NSUN3: variants seen among roughly 807,000 people sequenced by gnomAD.
The protein encoded by NSUN3 is NOP2/Sun RNA methyltransferase 3.
NSUN3 carries 24 observed loss-of-function variants against 36.8 expected under a neutral mutation model. That is an observed-to-expected ratio of 0.65 (90% CI 0.47 to 0.92). NSUN3 has a LOEUF of 0.92. Among genes scored for constraint, NSUN3 ranks in the 40% least tolerant of loss-of-function variants. NSUN3 has a pLI of 0.00. For synonymous variants in NSUN3, 146 were observed against 145.2 expected (o/e 1.01, Z -0.04); for missense variants, 381 against 392.8 (o/e 0.97, Z 0.25).
intron 5 of NSUN3, among the ~76,000 whole-genome samples, chr3:94,114,904 G>T (rs979036577): frequency 4.0e-5 from 6 of 151,564 alleles, no homozygotes; most frequent in Admixed American, 2.6e-4. Flanking sequence ...TAGGATAATG[G>T]TTTCCAGCTG....
intron 2 of NSUN3, 102 bp from the exon 3 acceptor site, chr3:94,084,005 T>C: frequency 1.2e-6 from 1 of 816,376 alleles, no homozygotes; most frequent in Admixed American, 2.6e-5. Context: ...CACAGGTAAG[T>C]GAAGTGTAAA....
Position 94,107,952 on chromosome 3 carries a change from T to C in NSUN3, c.743+12798T>C, listed in dbSNP as rs531908296. On this transcript the variant is annotated intron_variant, in intron 5 of 5. Coordinates refer to ENST00000314622, the MANE Select transcript of NSUN3 (RefSeq NM_022072.5). ...CATTCTCATTTTTATAAATTACTTG[T>C]TAGCAAAAGCTTTTTTTTTTCCTTT... Among the ~76,000 whole-genome samples, 33 of 148,650 alleles carry C rather than the reference T, an allele frequency of 2.2e-4. 1 individual carries two copies. The highest frequency in any genetic ancestry group is 8.1e-4 in the African/African-American group (33 of 40,824).
At chr3:94,069,218 A>C (rs2107235029) in intron 2 of NSUN3, among the ~76,000 whole-genome samples, 1 of 152,376 alleles carries the variant, frequency 6.6e-6, no homozygotes, top group East Asian at 1.9e-4. Flanking sequence ...TCTGAGGTAC[A>C]GTGAATAACA....
At chr3:94,080,751 CCTCCACCAAG>C (rs1484629532) in intron 2 of NSUN3, among the ~76,000 whole-genome samples, 5 of 152,304 alleles carry the variant, frequency 3.3e-5, no homozygotes, top group African/African-American at 1.2e-4. Flanking sequence ...GACGCCCCTC[CCTCCACCAAG>C]CTCCAGCATC....
At chr3:94,117,161 G>T (rs2077443728) in intron 5 of NSUN3, among the ~76,000 whole-genome samples, 1 of 151,722 alleles carries the variant, frequency 6.6e-6, no homozygotes, top group Admixed American at 6.6e-5. Context: ...ACCACACTCG[G>T]CTAATTTCTC....
intron 5 of NSUN3, among the ~76,000 whole-genome samples, chr3:94,109,975 A>G (rs192426742): frequency 6.6e-6 from 1 of 152,300 alleles, no homozygotes; most frequent in African/African-American, 2.4e-5. Context: ...AAACTTAAAA[A>G]GGTAATGAAA....
chr3:94,098,758 C>T (rs927631066), intron 5 of NSUN3, among the ~76,000 whole-genome samples: 3 of 152,122 alleles, frequency 2.0e-5, no homozygotes, highest in African/African-American at 7.2e-5. Context: ...TTTACACTTC[C>T]CTTTCTCCTG....
rs1301798601 is a variant in NSUN3, at chr3:94,130,413, T to C, written c.*3923T>C. On this transcript the variant is annotated 3_prime_UTR_variant, in exon 6 of 6. Transcript: ENST00000314622. ...AATGAAATCTTGCATAATGTCTGCA[T>C]TTTTCCATTGATTGGAGTGCATCCT... Among the ~76,000 whole-genome samples the C allele has an allele frequency of 1.3e-5, 2 of 152,202 alleles. No homozygotes were observed. Among genetic ancestry groups the C allele is most frequent in the Non-Finnish European group, 2.9e-5 (2 of 68,034 alleles).
intron 2 of NSUN3, among the ~76,000 whole-genome samples, chr3:94,069,348 C>G (rs572671234): frequency 6.6e-6 from 1 of 152,304 alleles, no homozygotes; most frequent in African/African-American, 2.4e-5. Context: ...GACTCAAAAA[C>G]ATACTTTGGT....
At chr3:94,083,783 G>C (rs1358714199) in intron 2 of NSUN3, among the ~76,000 whole-genome samples, 1 of 152,150 alleles carries the variant, frequency 6.6e-6, no homozygotes, top group East Asian at 1.9e-4. Context: ...AAGTCAGTAT[G>C]AAATGGCCTT....
At chr3:94,098,878 A>G (rs1045969305) in intron 5 of NSUN3, among the ~76,000 whole-genome samples, 3 of 152,114 alleles carry the variant, frequency 2.0e-5, no homozygotes, top group Non-Finnish European at 4.4e-5. Context: ...ACCTTCACTT[A>G]AAGATACATT....
chr3:94,111,941 C>CGA, intron 5 of NSUN3, among the ~76,000 whole-genome samples: 257 of 150,584 alleles, frequency 1.7e-3, no homozygotes, highest in Middle Eastern at 6.8e-3. Context: ...GTCTTTCTAT[C>CGA]GAGAGAGAGA....
chr3:94,079,873 A>G (rs1026113970), intron 2 of NSUN3, among the ~76,000 whole-genome samples: 1 of 152,046 alleles, frequency 6.6e-6, no homozygotes, highest in African/African-American at 2.4e-5. Context: ...GGGTTAGAAT[A>G]TGCTCCTTTA....
chr3:94,108,925 A>T (rs2107265927), intron 5 of NSUN3, among the ~76,000 whole-genome samples: 1 of 152,360 alleles, frequency 6.6e-6, no homozygotes, highest in East Asian at 1.9e-4. Context: ...TCGGCCTCCC[A>T]AAGTGCTGGG....
Position 94,084,187 on chromosome 3 carries a change from AT to A in NSUN3, c.206del (p.Leu69TyrfsTer3). 6.2e-7 allele frequency: 1 copy of A among 1,614,120 alleles called. No homozygotes were observed. The highest frequency in any genetic ancestry group is 8.5e-7 in the Non-Finnish European group (1 of 1,180,008). On this transcript the variant is annotated frameshift_variant, in exon 3 of 6. Transcript: ENST00000314622. LOFTEE classifies it high-confidence loss of function. The part of the protein sequence containing the change: ...RFNYPFELEK[D>X]LHLKGYHTLS... ...AATTATCCTTTTGAACTGGAAAAGG[AT>A]TTACATTTGAAGGGCTATCACACAC...
intron 2 of NSUN3, among the ~76,000 whole-genome samples, chr3:94,074,940 T>G (rs1003096231): frequency 6.6e-6 from 1 of 152,068 alleles, no homozygotes; most frequent in Non-Finnish European, 1.5e-5. Flanking sequence ...TGGCTGTGAG[T>G]TTGTCATAAA....
intron 3 of NSUN3, among the ~76,000 whole-genome samples, chr3:94,089,565 G>T (rs534647198): frequency 1.3e-5 from 2 of 152,330 alleles, no homozygotes; most frequent in Admixed American, 1.3e-4. Flanking sequence ...CCTCAGGTGA[G>T]CATGCATACA....
intron 5 of NSUN3, among the ~76,000 whole-genome samples, chr3:94,098,687 A>G (rs1439499256): frequency 1.3e-5 from 2 of 152,128 alleles, no homozygotes; most frequent in African/African-American, 4.8e-5. Flanking sequence ...AACAGTCCAC[A>G]CAGTGTCTCA....
chr3:94,112,854 G>A lies in NSUN3; in HGVS notation c.744-13357G>A, dbSNP rs143127473. On this transcript the variant is annotated intron_variant, in intron 5 of 5. Transcript: ENST00000314622. Reference sequence around the variant, plus strand: ...TTGATCAGGTAATGCTGGAAGATGTGAAGAGAATAACAAAACTCTTTTTTT... The same window carrying A: ...TTGATCAGGTAATGCTGGAAGATGTAAAGAGAATAACAAAACTCTTTTTTT... Among the ~76,000 whole-genome samples the A allele has an allele frequency of 1.1e-3, 167 of 152,264 alleles. 1 individual carries two copies. The highest frequency in any genetic ancestry group is 3.7e-3 in the African/African-American group (154 of 41,558).
Sources: allele counts gnomAD v4.1 joint callset (sites outside exome capture counted in the v4.1 genomes callset), GRCh38; gene constraint gnomAD v4.1.1; transcripts MANE v1.5; gene names NCBI Gene and HGNC (gene_info 2026-07-23, HGNC 2026-07-21).